ATXN7L1: variants seen among roughly 807,000 people sequenced by gnomAD.
ATXN7L1 encodes ataxin 7 like 1.
Under a neutral mutation model 70.8 loss-of-function variants are expected in ATXN7L1, and 15 were observed. The observed-to-expected ratio is 0.21, with a 90% CI of 0.14 to 0.33. The LOEUF (loss-of-function observed/expected upper bound fraction) is 0.33, where lower values mean the gene tolerates loss of function less well. Ranked by LOEUF, ATXN7L1 falls within the 10% of genes least tolerant of loss-of-function variation. The probability of loss-of-function intolerance (pLI) is 1.00; values close to 1 mark genes in which losing one functional copy is unlikely to be tolerated. For synonymous variants in ATXN7L1, 440 were observed against 445.1 expected, an observed-to-expected ratio of 0.99 and a Z score of 0.14; for missense variants, 975 against 1,097.1, an observed-to-expected ratio of 0.89 and a Z score of 1.57.
chr7:105,801,338 G>A (rs763933679), intron 2 of ATXN7L1, among the ~76,000 whole-genome samples: 8 of 152,284 alleles, frequency 5.3e-5, no homozygotes, highest in Non-Finnish European at 7.4e-5. Context: ...GTATGAATAC[G>A]ACCTGTAACT....
intron 3 of ATXN7L1, among the ~76,000 whole-genome samples, chr7:105,703,034 T>C (rs1792669729): frequency 6.6e-6 from 1 of 152,158 alleles, no homozygotes; most frequent in African/African-American, 2.4e-5. Flanking sequence ...GAGAATGGCG[T>C]GAACCTAGGA....
chr7:105,620,712 T>A (rs1794790366), intron 8 of ATXN7L1, among the ~76,000 whole-genome samples: 1 of 151,942 alleles, frequency 6.6e-6, no homozygotes, highest in South Asian at 2.1e-4. Flanking sequence ...CTGGCCAACA[T>A]GGTGAAGCCC....
chr7:105,693,534 CCCAT>C (rs36181010), intron 3 of ATXN7L1, among the ~76,000 whole-genome samples: 29,040 of 139,512 alleles, frequency 0.21, 3,052 homozygotes, highest in East Asian at 0.33. Context: ...AATCTAATGC[CCCAT>C]CCATCCATCC....
chr7:105,715,102 T>C (rs1428173217), intron 3 of ATXN7L1, among the ~76,000 whole-genome samples: 2 of 152,128 alleles, frequency 1.3e-5, no homozygotes, highest in African/African-American at 2.4e-5. Context: ...CTTCTTACAA[T>C]AGTAGTAAGA....
chr7:105,760,238 A>G lies in ATXN7L1; in HGVS notation c.355+28366T>C, dbSNP rs902802981. 9.2e-5 allele frequency: 91 copies of G among 984,254 alleles called. No individual in the cohort carries two copies. The Middle Eastern group carries it at 1.5e-3, about 17-fold the overall frequency. 61.0% of individuals were successfully genotyped at this position (984,254 alleles called of 1,614,324 possible). On this transcript the variant is annotated intron_variant, in intron 3 of 11. Transcript: ENST00000419735. ...GACCCAGTGTGTCATGCACTGGGAA[A>G]AGTGACAAAGGATATTTATGTATGG... is the stretch of plus-strand genomic sequence containing the variant.
intron 8 of ATXN7L1, among the ~76,000 whole-genome samples, chr7:105,623,722 G>A (rs949720305): frequency 4.6e-5 from 7 of 152,334 alleles, no homozygotes; most frequent in African/African-American, 1.7e-4. Flanking sequence ...TCCGTTTTTA[G>A]ATGGACAAGG....
At position 105,705,652 on chromosome 7, in the gene ATXN7L1, T is replaced by C. The variant is rs183591248; in HGVS notation, c.356-40364A>G. Among the ~76,000 whole-genome samples, 25 of 152,288 alleles carry C rather than the reference T, an allele frequency of 1.6e-4. No individual in the cohort carries two copies. In the East Asian group the frequency reaches 4.3e-3, roughly 26 times the overall value. On this transcript the variant is annotated intron_variant, in intron 3 of 11. Coordinates refer to ENST00000419735, the MANE Select transcript of ATXN7L1 (RefSeq NM_020725.2). The stretch of plus-strand genomic sequence containing the variant: ...CCTGCCACTTGCCACACTAGACAAC[T>C]GAGAGCCTTTTGTTTCACGCCTCTG...
chr7:105,710,586 T>C (rs1793780568), intron 3 of ATXN7L1, among the ~76,000 whole-genome samples: 1 of 151,858 alleles, frequency 6.6e-6, no homozygotes, highest in Admixed American at 6.6e-5. Flanking sequence ...TTTTTTTGTA[T>C]TTTTTTAGTA....
At chr7:105,611,705 T>C (rs1284047998) in intron 10 of ATXN7L1, among the ~76,000 whole-genome samples, 2 of 152,242 alleles carry the variant, frequency 1.3e-5, no homozygotes, top group Non-Finnish European at 2.9e-5. Context: ...TTCAGTTTAA[T>C]AGCCCTGTGG....
chr7:105,676,325 A>G (rs1211913110), intron 3 of ATXN7L1, among the ~76,000 whole-genome samples: 1 of 152,188 alleles, frequency 6.6e-6, no homozygotes, highest in African/African-American at 2.4e-5. Context: ...CACAAGTCAC[A>G]TGTGTTTAAA....
intron 3 of ATXN7L1, among the ~76,000 whole-genome samples, chr7:105,689,970 T>G (rs1790540770): frequency 6.6e-6 from 1 of 152,196 alleles, no homozygotes; most frequent in Admixed American, 6.5e-5. Context: ...GGAAGCCTCA[T>G]CATTATTCTC....
At chr7:105,686,156 T>C (rs1806162481) in intron 3 of ATXN7L1, among the ~76,000 whole-genome samples, 1 of 151,890 alleles carries the variant, frequency 6.6e-6, no homozygotes, top group Middle Eastern at 3.2e-3. Flanking sequence ...ACACAGATGC[T>C]CTCTGACTTA....
chr7:105,666,119 T>C (rs1260586385), intron 3 of ATXN7L1, among the ~76,000 whole-genome samples: 1 of 152,118 alleles, frequency 6.6e-6, no homozygotes, highest in African/African-American at 2.4e-5. Context: ...GCTATGGGGT[T>C]CTTAAATTGT....
Position 105,635,533 on chromosome 7 carries a change from A to G in ATXN7L1, c.1202+2820T>C, listed in dbSNP as rs1255604172. Among the ~76,000 whole-genome samples, 8 of 152,192 alleles carry G rather than the reference A, an allele frequency of 5.3e-5. No homozygotes were observed. The East Asian group carries it at 1.2e-3, about 22-fold the overall frequency. The stretch of plus-strand genomic sequence containing the variant: ...TCTGATTAGCTCTGTTGTACAGATG[A>G]GCAATCTGAGGTGAGACAGGCTAAG... On this transcript the variant is annotated intron_variant, in intron 7 of 11. Coordinates refer to ENST00000419735, the MANE Select transcript of ATXN7L1 (RefSeq NM_020725.2).
chr7:105,792,675 G>A (rs567564916), intron 2 of ATXN7L1, among the ~76,000 whole-genome samples: 5 of 152,260 alleles, frequency 3.3e-5, no homozygotes, highest in East Asian at 3.9e-4. Flanking sequence ...CATACATGTC[G>A]TTTTCCAATT....
In ATXN7L1 at chr7:105,624,087, G is replaced by A. The variant is rs1442928762; in HGVS notation, c.1383C>T (p.Pro461=). The A allele has an allele frequency of 1.4e-6, 2 of 1,471,524 alleles. No individual in the cohort carries two copies. Among genetic ancestry groups the A allele is most frequent in the Non-Finnish European group, 1.8e-6 (2 of 1,100,570 alleles). The allele number at this position is 1,471,524 out of a possible 1,614,324, so 91.2% of individuals were successfully genotyped here. ...GAAGGAGGCCTACCGCCAGAGGTCT[G>A]GGGTGGTGCGTGGAGAACTGACAGT... ...KLDCQFSTHH[P]RPLAFCSFGS... Residue 461 remains proline, a synonymous_variant, in exon 8 of 12, where the codon CCC becomes CCT. Transcript: ENST00000419735.
intron 3 of ATXN7L1, among the ~76,000 whole-genome samples, chr7:105,696,138 G>A (rs140427385): frequency 3.9e-5 from 6 of 152,312 alleles, no homozygotes; most frequent in Admixed American, 1.3e-4. Context: ...GAAGGTCAGG[G>A]AAGTTGGGTG....
intron 2 of ATXN7L1, among the ~76,000 whole-genome samples, chr7:105,842,846 G>A (rs934776231): frequency 1.3e-5 from 2 of 152,140 alleles, no homozygotes; most frequent in South Asian, 2.1e-4. Context: ...CACAATCCTC[G>A]CCAACACTTG....
chr7:105,661,233 T>C (rs1041442849), intron 4 of ATXN7L1, among the ~76,000 whole-genome samples: 1 of 152,220 alleles, frequency 6.6e-6, no homozygotes, highest in African/African-American at 2.4e-5. Context: ...GTGCTTGTTA[T>C]AGAGTTGGCA....
Sources: gnomAD v4.1 joint callset for allele counts (sites outside exome capture counted in the v4.1 genomes callset) on GRCh38, gnomAD v4.1.1 for gene constraint, MANE v1.5 for transcripts, NCBI Gene and HGNC (gene_info 2026-07-23, HGNC 2026-07-21) for gene names.